SLC4A10: variants seen among roughly 807,000 people sequenced by gnomAD.
SLC4A10 encodes sodium-driven chloride bicarbonate exchanger.
SLC4A10 carries 42 observed loss-of-function variants against 137.7 expected under a neutral mutation model. The ratio of observed to expected loss-of-function variants is 0.30; its 90% CI spans 0.24 to 0.39. The LOEUF (loss-of-function observed/expected upper bound fraction) is 0.39. Ranked by LOEUF, SLC4A10 falls within the 10% of genes least tolerant of loss-of-function variation. SLC4A10 has a pLI of 1.00. For missense variants in SLC4A10, 925 were observed against 1,355.0 expected, an observed-to-expected ratio of 0.68 and a Z score of 4.98; for synonymous variants, 474 against 464.1, an observed-to-expected ratio of 1.02 and a Z score of -0.27.
intron 1 of SLC4A10, among the ~76,000 whole-genome samples, chr2:161,642,182 T>C (rs76082927): frequency 1.3e-5 from 2 of 151,984 alleles, no homozygotes; most frequent in African/African-American, 2.4e-5. Flanking sequence ...CCTAGTGTAG[T>C]GATGTATCTT....
intron 15 of SLC4A10, among the ~76,000 whole-genome samples, chr2:161,906,482 TC>T (rs1472649161): frequency 6.6e-6 from 1 of 152,226 alleles, no homozygotes; most frequent in African/African-American, 2.4e-5. Context: ...TATTGCTTTT[TC>T]TAGTTTTGGT....
At chr2:161,810,739 A>G (rs2056473181) in intron 3 of SLC4A10, among the ~76,000 whole-genome samples, 1 of 151,896 alleles carries the variant, frequency 6.6e-6, no homozygotes, top group Non-Finnish European at 1.5e-5. Flanking sequence ...AGTGAATTAG[A>G]TTTTGATGTG....
intron 1 of SLC4A10, among the ~76,000 whole-genome samples, chr2:161,649,147 C>G (rs1028303366): frequency 6.6e-6 from 1 of 152,116 alleles, no homozygotes; most frequent in Non-Finnish European, 1.5e-5. Context: ...GTGGTGGATC[C>G]CTTTGACTCA....
intron 1 of SLC4A10, among the ~76,000 whole-genome samples, chr2:161,678,267 C>T (rs1052846501): frequency 1.3e-5 from 2 of 152,120 alleles, no homozygotes; most frequent in Admixed American, 1.3e-4. Context: ...ACTCAGAAGA[C>T]TTCTGAATAT....
intron 1 of SLC4A10, among the ~76,000 whole-genome samples, chr2:161,681,149 C>A (rs1232000514): frequency 6.6e-6 from 1 of 152,108 alleles, no homozygotes; most frequent in Admixed American, 6.6e-5. Flanking sequence ...ACTTACTATC[C>A]ACCTGAATCC....
intron 1 of SLC4A10, among the ~76,000 whole-genome samples, chr2:161,722,345 G>A (rs2045773605): frequency 6.6e-6 from 1 of 152,194 alleles, no homozygotes. Flanking sequence ...TGGGGCTGCT[G>A]ACCTTTGGAT....
intron 10 of SLC4A10, among the ~76,000 whole-genome samples, chr2:161,885,193 GATAA>G (rs982629420): frequency 2.6e-5 from 4 of 151,254 alleles, no homozygotes; most frequent in Non-Finnish European, 4.4e-5. Context: ...TAAATAAATA[GATAA>G]ATAAATAAGA....
At chr2:161,740,970 T>A (rs375749695) in intron 1 of SLC4A10, among the ~76,000 whole-genome samples, 2 of 152,266 alleles carry the variant, frequency 1.3e-5, no homozygotes, top group South Asian at 2.1e-4. Context: ...AGTTACCTCT[T>A]TTTTGTGTGT....
At chr2:161,761,652 C>G (rs1480426148) in intron 1 of SLC4A10, among the ~76,000 whole-genome samples, 2 of 152,080 alleles carry the variant, frequency 1.3e-5, no homozygotes, top group Non-Finnish European at 2.9e-5. Flanking sequence ...CTTAACTTCT[C>G]AGATACCTTT....
chr2:161,894,822 C>G lies in SLC4A10; in HGVS notation c.1338C>G (p.Ser446=), dbSNP rs2063275529. The change falls in exon 11 of 27, where the codon TCC becomes TCG. Residue 446 remains serine, a synonymous_variant. Transcript: ENST00000446997. ...TAGAGCCTCCCAAAAATGTTCCTTC[C>G]CAGGTATGTATATTTGAAGACATTC... The part of the protein sequence containing the change: ...IRIEPPKNVP[S]QEKRKIPAVP... The G allele has an allele frequency of 7.3e-7, 1 of 1,361,158 alleles. No homozygotes were observed. Among genetic ancestry groups the G allele is most frequent in the African/African-American group, 1.5e-5 (1 of 66,888 alleles). 84.3% of individuals were successfully genotyped at this position (1,361,158 alleles called of 1,614,324 possible). A position where few individuals can be genotyped will look rare whatever the true frequency, so the allele number is the denominator to read the frequency against.
At chr2:161,654,294 T>C (rs952247125) in intron 1 of SLC4A10, among the ~76,000 whole-genome samples, 1 of 152,208 alleles carries the variant, frequency 6.6e-6, no homozygotes, top group Non-Finnish European at 1.5e-5. Context: ...TTATTTGATA[T>C]ATGGCTTGCA....
At chr2:161,934,703 G>A (rs1691257345) in intron 15 of SLC4A10, among the ~76,000 whole-genome samples, 3 of 151,988 alleles carry the variant, frequency 2.0e-5, no homozygotes. Flanking sequence ...TTGGTGATTT[G>A]AGCATTTTTT....
intron 1 of SLC4A10, among the ~76,000 whole-genome samples, chr2:161,659,971 G>A (rs778549552): frequency 5.3e-5 from 8 of 151,942 alleles, no homozygotes; most frequent in Admixed American, 1.3e-4. Context: ...AGAGACAGAA[G>A]TAGATTAGTG....
chr2:161,820,691 A>G (rs916575729), intron 3 of SLC4A10, among the ~76,000 whole-genome samples: 1 of 152,202 alleles, frequency 6.6e-6, no homozygotes, highest in Non-Finnish European at 1.5e-5. Context: ...GCATTCTACT[A>G]TTGATGGTCA....
intron 10 of SLC4A10, among the ~76,000 whole-genome samples, chr2:161,882,798 A>G (rs1406572277): frequency 2.0e-5 from 3 of 152,130 alleles, no homozygotes; most frequent in African/African-American, 4.8e-5. Context: ...TAAAGAAAAA[A>G]CAATAGCAGT....
At chr2:161,755,198 T>C (rs759442544) in intron 1 of SLC4A10, among the ~76,000 whole-genome samples, 2 of 152,206 alleles carry the variant, frequency 1.3e-5, no homozygotes, top group Non-Finnish European at 2.9e-5. Context: ...TTCTTCCAGA[T>C]CTTTCCTCTA....
At chr2:161,970,511 G>C (rs1698337816) in intron 23 of SLC4A10, among the ~76,000 whole-genome samples, 1 of 152,140 alleles carries the variant, frequency 6.6e-6, no homozygotes, top group African/African-American at 2.4e-5. Flanking sequence ...AAAATAAAAG[G>C]ATTGAGCTTG....
At chr2:161,902,416 T>C (rs1176452531) in intron 12 of SLC4A10, among the ~76,000 whole-genome samples, 1 of 152,050 alleles carries the variant, frequency 6.6e-6, no homozygotes, top group Non-Finnish European at 1.5e-5. Context: ...GTAGAGTAAA[T>C]CTGTTTTGAA....
intron 11 of SLC4A10, among the ~76,000 whole-genome samples, chr2:161,898,672 T>C (rs575967885): frequency 7.0e-4 from 107 of 152,118 alleles, no homozygotes; most frequent in Non-Finnish European, 1.4e-3. Context: ...TTTGCATCAG[T>C]CATTAAAATC....
Sources: allele counts gnomAD v4.1 joint callset (sites outside exome capture counted in the v4.1 genomes callset), GRCh38; gene constraint gnomAD v4.1.1; transcripts MANE v1.5; gene names NCBI Gene and HGNC (gene_info 2026-07-23, HGNC 2026-07-21).